The following EDIL3 variants were observed in gnomAD, a reference collection of about 807,000 sequenced individuals.
EDIL3 encodes the protein EGF like and discoidin domains 3.
Under a neutral mutation model 67.4 loss-of-function variants are expected in EDIL3, and 37 were observed. The ratio of observed to expected loss-of-function variants is 0.55; its 90% confidence interval spans 0.42 to 0.72. EDIL3 has a LOEUF of 0.72. Ranked by LOEUF, EDIL3 falls within the 30% of genes least tolerant of loss-of-function variation. EDIL3 has a pLI of 0.00. For missense variants in EDIL3, 527 were observed against 586.3 expected, an observed-to-expected ratio of 0.90 and a Z score of 1.04; for synonymous variants, 195 against 196.3, an observed-to-expected ratio of 0.99 and a Z score of 0.05.
At chr5:84,276,321 G>T (rs1745582360) in intron 1 of EDIL3, among the ~76,000 whole-genome samples, 1 of 152,204 alleles carries the variant, frequency 6.6e-6, no homozygotes, top group East Asian at 1.9e-4. Flanking sequence ...ATAGTCAGAT[G>T]AATTTTTTAA....
chr5:84,036,815 G>C (rs1746029821), intron 9 of EDIL3, among the ~76,000 whole-genome samples: 1 of 152,042 alleles, frequency 6.6e-6, no homozygotes, highest in Non-Finnish European at 1.5e-5. Context: ...TTTACTTTCT[G>C]CTTGTCAAGT....
intron 3 of EDIL3, among the ~76,000 whole-genome samples, chr5:84,194,476 C>G (rs961324763): frequency 6.6e-6 from 1 of 151,866 alleles, no homozygotes; most frequent in Non-Finnish European, 1.5e-5. Context: ...AACATTATTA[C>G]TTGTGTAAAA....
chr5:84,372,033 T>C (rs1747866625), intron 1 of EDIL3, among the ~76,000 whole-genome samples: 1 of 152,104 alleles, frequency 6.6e-6, no homozygotes, highest in South Asian at 2.1e-4. Context: ...GATTTAATGT[T>C]AATTTAAAGA....
chr5:84,190,256 C>T (rs1743552440), intron 3 of EDIL3, among the ~76,000 whole-genome samples: 1 of 151,966 alleles, frequency 6.6e-6, no homozygotes, highest in Non-Finnish European at 1.5e-5. Context: ...AAACAATTTT[C>T]CTCAAGCTAA....
At chr5:84,159,676 T>C (rs1256228485) in intron 4 of EDIL3, among the ~76,000 whole-genome samples, 2 of 152,092 alleles carry the variant, frequency 1.3e-5, no homozygotes, top group East Asian at 1.9e-4. Context: ...AAACTGTATA[T>C]AGGAAACATA....
At chr5:84,282,040 T>A (rs1450293783) in intron 1 of EDIL3, among the ~76,000 whole-genome samples, 1 of 151,368 alleles carries the variant, frequency 6.6e-6, no homozygotes, top group Non-Finnish European at 1.5e-5. Flanking sequence ...CTAATTTTTT[T>A]TTTTTCATTT....
At position 84,060,297 on chromosome 5, in the gene EDIL3, T is replaced by C; in HGVS notation, c.1137+3A>G. On this transcript the variant is annotated splice_donor_region_variant and intron_variant, in intron 9 of 10. Coordinates refer to ENST00000296591, the MANE Select transcript of EDIL3 (RefSeq NM_005711.5). Reference sequence around the variant, plus strand: ...GTAGTGAAACAGTTTTGGAAAACTTTACCTGTAACCATTGTGACTGGTCAT... The same window carrying C: ...GTAGTGAAACAGTTTTGGAAAACTTCACCTGTAACCATTGTGACTGGTCAT... 2 of 1,612,420 alleles carry C rather than the reference T, an allele frequency of 1.2e-6. No individual in the cohort carries two copies. The highest frequency in any genetic ancestry group is 1.7e-6 in the Non-Finnish European group (2 of 1,179,220).
At chr5:84,344,395 G>A (rs911075987) in intron 1 of EDIL3, among the ~76,000 whole-genome samples, 2 of 152,006 alleles carry the variant, frequency 1.3e-5, no homozygotes, top group African/African-American at 4.8e-5. Flanking sequence ...ATTGTGGCAA[G>A]TGTGAATGAA....
intron 1 of EDIL3, among the ~76,000 whole-genome samples, chr5:84,267,714 T>G (rs1468363761): frequency 6.6e-6 from 1 of 152,206 alleles, no homozygotes; most frequent in Non-Finnish European, 1.5e-5. Context: ...TGTATTTATG[T>G]ATATGCTCTC....
intron 5 of EDIL3, among the ~76,000 whole-genome samples, chr5:84,131,742 A>G (rs1384539548): frequency 1.3e-5 from 2 of 152,208 alleles, no homozygotes; most frequent in Admixed American, 1.3e-4. Context: ...TGAACTGGTG[A>G]AAAGATACAG....
At position 84,295,225 on chromosome 5, in the gene EDIL3, C is replaced by T. The variant is rs1021443447; in HGVS notation, c.68-41013G>A. 2.0e-5 allele frequency among the ~76,000 whole-genome samples: 3 copies of T among 151,680 alleles called. No homozygotes were observed. In the South Asian group the frequency reaches 6.3e-4, roughly 32 times the overall value. On this transcript the variant is annotated intron_variant, in intron 1 of 10. Transcript: ENST00000296591. ...TACATAACTTTTAAAAATAATAATT[C>T]TGTAGGTGTGAATATGTGTGTGTTA...
intron 3 of EDIL3, among the ~76,000 whole-genome samples, chr5:84,192,403 T>C (rs1561458331): frequency 1.3e-5 from 2 of 151,998 alleles, no homozygotes; most frequent in Non-Finnish European, 2.9e-5. Flanking sequence ...TTGGTTAATT[T>C]ACCATTCTAC....
At chr5:84,242,417 C>G (rs1744815714) in intron 2 of EDIL3, among the ~76,000 whole-genome samples, 1 of 152,108 alleles carries the variant, frequency 6.6e-6, no homozygotes, top group Non-Finnish European at 1.5e-5. Context: ...ATGATGCTGT[C>G]CTTGAAAGAA....
chr5:84,048,610 G>A (rs1173442354), intron 9 of EDIL3, among the ~76,000 whole-genome samples: 1 of 151,860 alleles, frequency 6.6e-6, no homozygotes, highest in Non-Finnish European at 1.5e-5. Context: ...TTTCTTAGGT[G>A]GGATTGTGAC....
At chr5:84,032,053 A>C (rs1745934480) in intron 9 of EDIL3, among the ~76,000 whole-genome samples, 1 of 152,224 alleles carries the variant, frequency 6.6e-6, no homozygotes. Flanking sequence ...AAGATAGCTA[A>C]ATGCCATTCC....
At chr5:84,232,180 T>C (rs1337391393) in intron 2 of EDIL3, among the ~76,000 whole-genome samples, 2 of 152,162 alleles carry the variant, frequency 1.3e-5, no homozygotes, top group East Asian at 3.8e-4. Flanking sequence ...ATTTAAAGTG[T>C]TGGGTCATGG....
chr5:84,044,757 C>T (rs1053306622), intron 9 of EDIL3, among the ~76,000 whole-genome samples: 2 of 152,090 alleles, frequency 1.3e-5, no homozygotes, highest in Non-Finnish European at 2.9e-5. Flanking sequence ...TGGCAGCAAG[C>T]TAGACCCATG....
chr5:84,004,597 A>G (rs1362097141), intron 9 of EDIL3, among the ~76,000 whole-genome samples: 1 of 152,176 alleles, frequency 6.6e-6, no homozygotes, highest in Admixed American at 6.5e-5. Flanking sequence ...ATTTGGGTAA[A>G]CAATAAAATA....
At chr5:84,281,942 C>A (rs904373171) in intron 1 of EDIL3, among the ~76,000 whole-genome samples, 4 of 140,938 alleles carry the variant, frequency 2.8e-5, no homozygotes, top group Non-Finnish European at 1.5e-5. Context: ...TCTCGGCTCG[C>A]TGCAACCTCT....
Sources: gnomAD v4.1 joint callset for allele counts (sites outside exome capture counted in the v4.1 genomes callset) on GRCh38, gnomAD v4.1.1 for gene constraint, MANE v1.5 for transcripts, NCBI Gene and HGNC (gene_info 2026-07-23, HGNC 2026-07-21) for gene names.